Variants in FANCC observed in about 807,000 individuals in gnomAD.
FANCC encodes FA complementation group C, also known as Fanconi anemia group C protein.
A neutral mutation model predicts 71.3 loss-of-function variants in FANCC; 55 were observed. The ratio of observed to expected loss-of-function variants is 0.77; its 90% CI spans 0.62 to 0.97. The LOEUF (loss-of-function observed/expected upper bound fraction) is 0.97. Among genes scored for constraint, FANCC ranks in the 50% least tolerant of loss-of-function variants. The pLI, the probability that FANCC is intolerant of heterozygous loss-of-function variation, is 0.00. For missense variants in FANCC, 678 were observed against 670.9 expected, an observed-to-expected ratio of 1.01 and a Z score of -0.12; for synonymous variants, 275 against 244.9, an observed-to-expected ratio of 1.12 and a Z score of -1.15.
intron 10 of FANCC, chr9:95,123,459 G>A (rs752078470): frequency 4.3e-5 from 20 of 461,182 alleles, no homozygotes; most frequent in Non-Finnish European, 8.7e-5. Flanking sequence ...GGGCAACATG[G>A]TGAAACCCCA....
At chr9:95,152,772 A>C (rs118117900) in intron 6 of FANCC, among the ~76,000 whole-genome samples, 3 of 151,774 alleles carry the variant, frequency 2.0e-5, no homozygotes, top group Non-Finnish European at 2.9e-5. Context: ...AGTTTTTTTC[A>C]CTACCCCCCA....
chr9:95,221,653 GAAT>G (rs1156698189), intron 4 of FANCC, among the ~76,000 whole-genome samples: 1 of 152,124 alleles, frequency 6.6e-6, no homozygotes, highest in Non-Finnish European at 1.5e-5. Flanking sequence ...ACAGTATCTG[GAAT>G]ATAAAGGGTA....
intron 6 of FANCC, among the ~76,000 whole-genome samples, chr9:95,158,670 A>T (rs186132034): frequency 6.6e-6 from 1 of 152,360 alleles, no homozygotes; most frequent in African/African-American, 2.4e-5. Flanking sequence ...CCAGGGATTG[A>T]TATGCAGTTA....
At chr9:95,127,499 G>C (rs1256562773) in intron 8 of FANCC, 1 of 152,340 alleles carries the variant, frequency 6.6e-6, no homozygotes, top group Non-Finnish European at 1.5e-5. Flanking sequence ...AGTCAGGATG[G>C]GGCTCTGGTT....
chr9:95,252,274 C>CAAAAAAAAAAAAAAAAAAAAGAAAA (rs1327334843), intron 1 of FANCC, among the ~76,000 whole-genome samples: 1 of 50,148 alleles, frequency 2.0e-5, no homozygotes, highest in Non-Finnish European at 3.6e-5. Context: ...GAGACTGATT[C>CAAAAAAAAAAAAAAAAAAAAGAAAA]AAAAAAAAAA....
At chr9:95,153,377 T>C (rs541796004) in intron 6 of FANCC, among the ~76,000 whole-genome samples, 39 of 152,318 alleles carry the variant, frequency 2.6e-4, no homozygotes, top group Admixed American at 1.4e-3. Context: ...AGTAGTGTAA[T>C]TGCTGGATCA....
intron 3 of FANCC, among the ~76,000 whole-genome samples, chr9:95,246,984 G>T (rs1831022267): frequency 6.6e-6 from 1 of 152,178 alleles, no homozygotes; most frequent in Non-Finnish European, 1.5e-5. Context: ...GTCACGGCAG[G>T]ATTCACACTC....
In FANCC at chr9:95,240,639, ACT is replaced by A. The variant is rs755657969; in HGVS notation, c.345+8_345+9del. 1.1e-4 allele frequency: 169 copies of A among 1,579,238 alleles called. No individual in the cohort carries two copies. Among genetic ancestry groups the A allele is most frequent in the Non-Finnish European group, 1.4e-4 (156 of 1,148,808 alleles). ...TTCAAAGAAGTGCAGAGCAAGATTT[ACT>A]CTCTTACCTGTATCCAGGAGTTAAG... On this transcript the variant is annotated splice_region_variant and intron_variant, in intron 4 of 14. Coordinates refer to ENST00000289081, the MANE Select transcript of FANCC (RefSeq NM_000136.3).
chr9:95,314,945 T>A (rs952532380), intron 1 of FANCC, among the ~76,000 whole-genome samples: 30 of 151,758 alleles, frequency 2.0e-4, no homozygotes, highest in Non-Finnish European at 3.4e-4. Flanking sequence ...TGAAAAAAAA[T>A]AACAAACTGA....
intron 4 of FANCC, among the ~76,000 whole-genome samples, chr9:95,173,594 T>TATA (rs777363716): frequency 6.6e-5 from 10 of 152,196 alleles, no homozygotes; most frequent in Non-Finnish European, 1.5e-4. Flanking sequence ...AATATGCTTA[T>TATA]ATAGTGGCTC....
intron 8 of FANCC, among the ~76,000 whole-genome samples, chr9:95,134,448 G>A (rs560761615): frequency 3.3e-5 from 5 of 152,256 alleles, no homozygotes; most frequent in South Asian, 2.1e-4. Flanking sequence ...AGACCGGACC[G>A]TTCACTGTGG....
chr9:95,305,542 T>G (rs890691587), intron 1 of FANCC, among the ~76,000 whole-genome samples: 1 of 152,206 alleles, frequency 6.6e-6, no homozygotes, highest in African/African-American at 2.4e-5. Context: ...ACTAATACAA[T>G]CCTTAAACAG....
chr9:95,202,721 C>CA (rs2135814381), intron 4 of FANCC, among the ~76,000 whole-genome samples: 1 of 152,162 alleles, frequency 6.6e-6, no homozygotes, highest in South Asian at 2.1e-4. Context: ...AGAATAAAGG[C>CA]AAAAAATAAT....
intron 1 of FANCC, among the ~76,000 whole-genome samples, chr9:95,275,582 G>C (rs1337029289): frequency 6.6e-6 from 1 of 152,034 alleles, no homozygotes; most frequent in African/African-American, 2.4e-5. Flanking sequence ...GGGATGTTAT[G>C]CATGTGGGGG....
At chr9:95,303,729 G>A (rs548197551) in intron 1 of FANCC, among the ~76,000 whole-genome samples, 10 of 152,074 alleles carry the variant, frequency 6.6e-5, no homozygotes, top group Non-Finnish European at 1.2e-4. Flanking sequence ...GGACCCCACC[G>A]GTATGACTTC....
chr9:95,232,928 T>C (rs567300657), intron 4 of FANCC, among the ~76,000 whole-genome samples: 13 of 152,308 alleles, frequency 8.5e-5, no homozygotes, highest in African/African-American at 2.9e-4. Context: ...CTTCCCAATC[T>C]TGCAAACAAA....
intron 14 of FANCC, among the ~76,000 whole-genome samples, chr9:95,105,032 CAAT>C (rs2071334975): frequency 1.3e-5 from 2 of 152,228 alleles, no homozygotes; most frequent in Admixed American, 1.3e-4. Flanking sequence ...TAAGAGTACA[CAAT>C]AGATTCTCGA....
At chr9:95,127,580 T>G (rs1040755183) in intron 8 of FANCC, among the ~76,000 whole-genome samples, 1 of 152,228 alleles carries the variant, frequency 6.6e-6, no homozygotes, top group Non-Finnish European at 1.5e-5. Context: ...TCCTCTCCGC[T>G]GTGCGCCCAG....
At chr9:95,289,376 G>C (rs1247290212) in intron 1 of FANCC, among the ~76,000 whole-genome samples, 1 of 152,188 alleles carries the variant, frequency 6.6e-6, no homozygotes, top group East Asian at 1.9e-4. Flanking sequence ...ACCAGTGGCT[G>C]GAGTAAGAAC....
Sources: gnomAD v4.1 joint callset for allele counts (sites outside exome capture counted in the v4.1 genomes callset) on GRCh38, gnomAD v4.1.1 for gene constraint, MANE v1.5 for transcripts, NCBI Gene and HGNC (gene_info 2026-07-23, HGNC 2026-07-21) for gene names.